RNF213: variants seen among roughly 807,000 people sequenced by gnomAD.
RNF213 encodes the protein ring finger protein 213.
A neutral mutation model predicts 514.4 loss-of-function variants in RNF213; 341 were observed. The observed-to-expected ratio is 0.66, with a 90% confidence interval of 0.61 to 0.73. RNF213 has a LOEUF of 0.73. RNF213 is among the 30% of genes least tolerant of loss of function. The pLI, the probability that RNF213 is intolerant of heterozygous loss-of-function variation, is 0.00. For missense variants in RNF213, 5,767 were observed against 6,615.6 expected, an observed-to-expected ratio of 0.87 and a Z score of 4.45; for synonymous variants, 2,655 against 2,658.2, an observed-to-expected ratio of 1.00 and a Z score of 0.04.
At chr17:80,325,471 T>G (rs1282508836) in intron 18 of RNF213, among the ~76,000 whole-genome samples, 1 of 152,088 alleles carries the variant, frequency 6.6e-6, no homozygotes, top group Non-Finnish European at 1.5e-5. Flanking sequence ...GAAACAACCC[T>G]TCTGAAAGTC....
Position 80,309,041 on chromosome 17 carries a change from C to T in RNF213, c.2525C>T (p.Pro842Leu), listed in dbSNP as rs1228046675. ...AGGATTCCCGAGGAGGCCTTGTCACCATCCTACCTGACTGTGTGTCTGAAA... is the reference window on the plus strand; with the variant it reads ...AGGATTCCCGAGGAGGCCTTGTCACTATCCTACCTGACTGTGTGTCTGAAA... Reference protein sequence around the residue: ...RDKIPEEALSPSYLTVCLKLH... With the variant: ...RDKIPEEALSLSYLTVCLKLH... Residue 842 changes from proline to leucine, a missense_variant, in exon 14 of 68, where the codon CCA becomes CTA. Physicochemically the swap from Pro to Leu is moderately conservative, Grantham distance 98 (BLOSUM62 -3). This residue lies in a region of RNF213 where 592 missense variants were observed against 673.9 expected (regional missense o/e 0.88). Transcript: ENST00000582970. 5.6e-6 allele frequency: 9 copies of T among 1,613,986 alleles called. No homozygotes were observed. Among genetic ancestry groups the T allele is most frequent in the South Asian group, 2.2e-5 (2 of 91,084 alleles).
At position 80,390,048 on chromosome 17, in the gene RNF213, G is replaced by C; in HGVS notation, c.15322G>C (p.Asp5108His). 1 of 1,614,188 alleles carries C rather than the reference G, an allele frequency of 6.2e-7. No homozygotes were observed. The highest frequency in any genetic ancestry group is 8.5e-7 in the Non-Finnish European group (1 of 1,180,040). Residue 5108 changes from aspartate to histidine, a missense_variant, in exon 67 of 68, where the codon GAT (aspartate) becomes CAT (histidine). Physicochemically the swap from Asp to His is moderately conservative, Grantham distance 81. Around this residue, in one of 13 missense-constraint regions of RNF213, gnomAD observed 1,245 missense variants for 1,339.0 expected, o/e 0.93. Transcript: ENST00000582970. ...GGAAATCAGTTCAAGGTACAAAGCG[G>C]ATCTGAGCCCGGAAAATGCTAAGCT... ...FGEISSRYKADLSPENAKLLS... is the reference protein window; with the variant it reads ...FGEISSRYKAHLSPENAKLLS...
chr17:80,319,398 T>G (rs760474593), intron 17 of RNF213, 86 bp downstream of exon 17: 1 of 1,614,220 alleles, frequency 6.2e-7, no homozygotes, highest in Non-Finnish European at 8.5e-7. Context: ...AAGCACCCGC[T>G]GGGTCTCAGC....
At chr17:80,298,202 C>T (rs1270468081) in intron 10 of RNF213, 119 bp from the exon 11 acceptor site, 21 of 1,030,348 alleles carry the variant, frequency 2.0e-5, no homozygotes, top group Admixed American at 1.6e-4. Flanking sequence ...TGCTCAGCCA[C>T]GCGCGGTGCT....
intron 17 of RNF213, chr17:80,319,633 G>C (rs1191016694): frequency 1.3e-6 from 2 of 1,516,808 alleles, no homozygotes; most frequent in African/African-American, 2.8e-5. Context: ...TGTGGCTGCT[G>C]GTTTGATTGA....
chr17:80,377,909 C>A lies in RNF213; in HGVS notation c.13545+113C>A. 1.6e-6 allele frequency: 2 copies of A among 1,247,220 alleles called. No individual in the cohort carries two copies. The highest frequency in any genetic ancestry group is 2.4e-6 in the Non-Finnish European group (2 of 847,746). The allele number at this position is 1,247,220 out of a possible 1,614,324, so 77.3% of individuals were successfully genotyped here. ...TCTCGGCCTTCCAGGAGAGCACAGG[C>A]TCACCGAGGACTGCCCAGGGTGCTC... On this transcript the variant is annotated intron_variant, in intron 54 of 67. Coordinates refer to ENST00000582970, the MANE Select transcript of RNF213 (RefSeq NM_001256071.3). This position sits in a 1 kb window ranked among gnomAD's most constrained non-coding sequence, Gnocchi z 4.1.
chr17:80,393,183 G>C (rs1209260039), intron 67 of RNF213, among the ~76,000 whole-genome samples, 162 bp from the exon 68 acceptor site: 3 of 151,946 alleles, frequency 2.0e-5, no homozygotes, highest in African/African-American at 7.3e-5. Context: ...GTTTCGCCAT[G>C]TTGCCCAGGC....
At position 80,385,146 on chromosome 17, in the gene RNF213, A is replaced by T. The variant is rs765502583; in HGVS notation, c.14430A>T (p.Arg4810Ser). The change falls in exon 60 of 68, where the codon AGA becomes AGT. Residue 4810 changes from arginine to serine, a missense_variant. Arg to Ser is a moderately radical substitution (Grantham distance 110). Coordinates refer to ENST00000582970, the MANE Select transcript of RNF213 (RefSeq NM_001256071.3). Reference sequence around the variant, plus strand: ...AGCAAGTTGAATACAGCTCCATCAGAGGCTTCCTCAGCAAGCACAGCTCAG... The same window carrying T: ...AGCAAGTTGAATACAGCTCCATCAGTGGCTTCCTCAGCAAGCACAGCTCAG... ...NVQQVEYSSI[R>S]GFLSKHSSDG... The T allele has an allele frequency of 6.2e-7, 1 of 1,614,162 alleles. No individual in the cohort carries two copies. The highest frequency in any genetic ancestry group is 1.1e-5 in the South Asian group (1 of 91,088).
chr17:80,364,734 T>C (rs2079193175), intron 42 of RNF213, 181 bp downstream of exon 42: 1 of 687,454 alleles, frequency 1.5e-6, no homozygotes, highest in Non-Finnish European at 2.5e-6. Context: ...AATTGTTTAA[T>C]TATTTACCCT....
rs928013206 is a variant in RNF213, at chr17:80,363,323, C to G, written c.11568+9C>G. On this transcript the variant is annotated intron_variant, in intron 40 of 67. Transcript: ENST00000582970. Reference sequence around the variant, plus strand: ...TGGCTGGATGTGAGATGGTATGGCCCTCCTCCGCCTGCCCTGAGCAAGCCT... The same window carrying G: ...TGGCTGGATGTGAGATGGTATGGCCGTCCTCCGCCTGCCCTGAGCAAGCCT... 1.9e-6 allele frequency: 3 copies of G among 1,612,126 alleles called. No homozygotes were observed. Among genetic ancestry groups the G allele is most frequent in the African/African-American group, 1.3e-5 (1 of 74,894 alleles).
At chr17:80,333,392 C>T (rs942797541) in intron 21 of RNF213, among the ~76,000 whole-genome samples, 1 of 150,006 alleles carries the variant, frequency 6.7e-6, no homozygotes, top group African/African-American at 2.4e-5. Context: ...TTAGGTAGAC[C>T]GAGATAATGA....
chr17:80,292,985 C>A lies in RNF213; in HGVS notation c.1471+1158C>A, dbSNP rs11868385. Among the ~76,000 whole-genome samples the A allele has an allele frequency of 1.9e-3, 296 of 152,308 alleles. 1 individual carries two copies. The highest frequency in any genetic ancestry group is 6.9e-3 in the African/African-American group (288 of 41,560). On this transcript the variant is annotated intron_variant, in intron 8 of 67. Coordinates refer to ENST00000582970, the MANE Select transcript of RNF213 (RefSeq NM_001256071.3). ...AGAAGAATGTAAATTTAGTCCCTGTCACTCCACCTTGGACAAAGACAGAAG... is the reference window on the plus strand; with the variant it reads ...AGAAGAATGTAAATTTAGTCCCTGTAACTCCACCTTGGACAAAGACAGAAG...
intron 3 of RNF213, among the ~76,000 whole-genome samples, chr17:80,280,006 T>G (rs2044201708): frequency 1.3e-5 from 2 of 152,152 alleles, no homozygotes; most frequent in Admixed American, 1.3e-4. Context: ...GATGGTCATG[T>G]GTTCATTGAA....
At chr17:80,298,658 T>A in intron 11 of RNF213, 140 bp downstream of exon 11, 1 of 927,004 alleles carries the variant, frequency 1.1e-6, no homozygotes. Flanking sequence ...TTTAACATTT[T>A]AAGACATCAA....
chr17:80,287,902 C>T lies in RNF213; in HGVS notation c.349C>T (p.Pro117Ser), dbSNP rs746003961. ...LASLPLSPAS[P>S]CHLTLLSNPW... ...TTCCTTGCCCCTTTCTCCTGCCAGC[C>T]CCTGTCACCTGACTTTGCTTTCAAA... The change falls in exon 4 of 68, where the codon CCC (proline) becomes TCC (serine). Residue 117 changes from proline (P) to serine (S), a missense_variant. Around this residue, in one of 13 missense-constraint regions of RNF213, gnomAD observed 509 missense variants for 496.7 expected, o/e 1.02. Coordinates refer to ENST00000582970, the MANE Select transcript of RNF213 (RefSeq NM_001256071.3). 4 of 1,579,134 alleles carry T rather than the reference C, an allele frequency of 2.5e-6. No individual in the cohort carries two copies. The highest frequency in any genetic ancestry group is 3.4e-6 in the Non-Finnish European group (4 of 1,162,620).
At chr17:80,339,060 G>A (rs1423579397) in intron 25 of RNF213, 141 bp from the exon 26 acceptor site, 2 of 414,444 alleles carry the variant, frequency 4.8e-6, no homozygotes, top group Non-Finnish European at 7.9e-6. Context: ...TAGATGAGGA[G>A]GGAGGCCTTG....
At chr17:80,320,687 G>T (rs1318299592) in intron 17 of RNF213, 1 of 152,124 alleles carries the variant, frequency 6.6e-6, no homozygotes, top group Non-Finnish European at 1.5e-5. Context: ...ACCGCGCCCG[G>T]CCGAGCATAA....
In RNF213 at chr17:80,346,032, A is replaced by T; in HGVS notation, c.7697A>T (p.Tyr2566Phe). The T allele has an allele frequency of 6.2e-7, 1 of 1,614,176 alleles. No homozygotes were observed. The highest frequency in any genetic ancestry group is 1.1e-5 in the South Asian group (1 of 91,082). ...LGSIPLRQLV[Y>F]RVHALPPSLI... is the part of the protein sequence containing the mutation. Reference sequence around the variant, plus strand: ...TCCATTCCTCTGAGGCAGCTGGTATACCGGGTCCATGCTCTGCCCCCGAGC... The same window carrying T: ...TCCATTCCTCTGAGGCAGCTGGTATTCCGGGTCCATGCTCTGCCCCCGAGC... Residue 2566 changes from tyrosine (Y) to phenylalanine (F), a missense_variant, in exon 29 of 68, where the codon TAC becomes TTC. Around this residue, in one of 13 missense-constraint regions of RNF213, gnomAD observed 1,377 missense variants for 1,635.2 expected, o/e 0.84. Coordinates refer to ENST00000582970, the MANE Select transcript of RNF213 (RefSeq NM_001256071.3). The surrounding 1 kb of genome is among the most constrained non-coding windows in gnomAD (Gnocchi z 8.1).
rs149915714 is a variant in RNF213, at chr17:80,291,643, C to G, written c.1287C>G (p.Asp429Glu). ...ELHYTRDLGH[D>E]RVLVEGIVCI... ...TCATTCACAGAGACTTGGGTCATGA[C>G]CGCGTTCTTGTTGAAGGCATTGTCT... The change falls in exon 8 of 68, where the codon GAC becomes GAG. Residue 429 changes from aspartate (D) to glutamate (E), a missense_variant. Asp to Glu is a conservative substitution (Grantham distance 45). This residue lies in a region of RNF213 where 592 missense variants were observed against 673.9 expected (regional missense o/e 0.88). Transcript: ENST00000582970. 6.2e-7 allele frequency: 1 copy of G among 1,614,094 alleles called. No homozygotes were observed. The highest frequency in any genetic ancestry group is 1.3e-5 in the African/African-American group (1 of 74,928).
Sources: allele counts gnomAD v4.1 joint callset (sites outside exome capture counted in the v4.1 genomes callset), GRCh38; gene constraint gnomAD v4.1.1; regional missense constraint gnomAD v4.1.1; non-coding constraint Gnocchi (gnomAD v3.1); transcripts MANE v1.5; gene names NCBI Gene and HGNC (gene_info 2026-07-23, HGNC 2026-07-21).